The following OCRL variants were observed in gnomAD, a reference collection of about 807,000 sequenced individuals.
OCRL encodes the protein inositol polyphosphate 5-phosphatase OCRL.
In OCRL, 8 loss-of-function variants were observed where a neutral mutation model predicts 78.9. The ratio of observed to expected loss-of-function variants is 0.10; its 90% CI spans 0.06 to 0.18. OCRL has a LOEUF of 0.18. Among genes scored for constraint, OCRL ranks in the 10% least tolerant of loss-of-function variants. OCRL has a pLI of 1.00. For synonymous variants in OCRL, 240 were observed against 235.4 expected (o/e 1.02, Z -0.18); for missense variants, 454 against 696.7 (o/e 0.65, Z 3.92).
intron 21 of OCRL, 55 bp from the exon 22 acceptor site, chrX:129,588,831 G>T (rs1014834613): frequency 8.7e-5 from 105 of 1,201,410 alleles, no homozygotes; most frequent in Non-Finnish European, 1.1e-4. Flanking sequence ...AGCTCGTCGG[G>T]GCTCTGTGTG....
In OCRL at chrX:129,575,257, A is replaced by G. The variant is rs1936353697; in HGVS notation, c.1713+7A>G. On this transcript the variant is annotated splice_region_variant and intron_variant, in intron 16 of 23. Transcript: ENST00000371113. ...AGAACTCAGCAGGAGGGAGGTGAGC[A>G]AAAATACATGATCTCCCTGTCTACT... The G allele has an allele frequency of 1.9e-6, 2 of 1,074,686 alleles. No individual in the cohort carries two copies. Among genetic ancestry groups the G allele is most frequent in the South Asian group, 3.7e-5 (2 of 53,609 alleles). 88.6% of individuals were successfully genotyped at this position (1,074,686 alleles called of 1,213,427 possible). A position where few individuals can be genotyped will look rare whatever the true frequency, so the allele number is the denominator to read the frequency against.
chrX:129,541,448 T>A (rs183148376), intron 2 of OCRL, among the ~76,000 whole-genome samples: 1 of 111,925 alleles, frequency 8.9e-6, no homozygotes, highest in East Asian at 2.8e-4. Flanking sequence ...GAGATAGAAA[T>A]GACAGTATTT....
In OCRL at chrX:129,588,917, G is replaced by T; in HGVS notation, c.2373G>T (p.Leu791=). The change falls in exon 22 of 24, where the codon CTG becomes CTT. Residue 791 remains leucine (L), a synonymous_variant. Transcript: ENST00000371113. ...GCAACCACTCTGTGGCTGAAGCACT[G>T]CTCATTTTCTTGGAAGCCCTGCCAG... ...PGSNHSVAEA[L]LIFLEALPEP... The T allele has an allele frequency of 8.3e-7, 1 of 1,211,618 alleles. No individual in the cohort carries two copies. The highest frequency in any genetic ancestry group is 1.8e-5 in the South Asian group (1 of 57,008).
chrX:129,555,675 C>G (rs1301650803), intron 4 of OCRL, among the ~76,000 whole-genome samples: 1 of 111,625 alleles, frequency 9.0e-6, no homozygotes, highest in African/African-American at 3.3e-5. Context: ...CTTTCTCAAG[C>G]AACATGGTGA....
In OCRL at chrX:129,540,614, G is replaced by A. The variant is rs1333520971; in HGVS notation, c.40-130G>A. On this transcript the variant is annotated intron_variant, in intron 1 of 23. Transcript: ENST00000371113. ...AGAGAGGGGGAGGGGGCCGGCGCGG[G>A]AGACGAAGCAGGGCGGGGCGGGGCG... 2.1e-5 allele frequency: 13 copies of A among 626,544 alleles called. No individual in the cohort carries two copies. The Admixed American group carries it at 4.0e-4, about 19-fold the overall frequency. 51.6% of individuals were successfully genotyped at this position (626,544 alleles called of 1,213,427 possible).
At chrX:129,581,725 CTGTG>C (rs35415909) in intron 18 of OCRL, among the ~76,000 whole-genome samples, 2,536 of 92,248 alleles carry the variant, frequency 0.027, 91 homozygotes, top group African/African-American at 0.095. Context: ...ATACACACAC[CTGTG>C]TGTGTGTGTG....
chrX:129,567,955 G>A (rs1279640007), intron 14 of OCRL, among the ~76,000 whole-genome samples: 6 of 98,754 alleles, frequency 6.1e-5, no homozygotes, highest in Admixed American at 1.1e-4. Context: ...CGCCCAGGCC[G>A]GACTGCGGAC....
Position 129,557,320 on chromosome X carries a change from T to C in OCRL, c.239-5T>C. Reference sequence around the variant, plus strand: ...AGTATATGTATGGATTTCAATTCTTTTTAGGTGGCTGCAAAATTCGGGTTC... The same window carrying C: ...AGTATATGTATGGATTTCAATTCTTCTTAGGTGGCTGCAAAATTCGGGTTC... On this transcript the variant is annotated splice_polypyrimidine_tract_variant and splice_region_variant and intron_variant, in intron 4 of 23. Coordinates refer to ENST00000371113, the MANE Select transcript of OCRL (RefSeq NM_000276.4). The C allele has an allele frequency of 1.7e-6, 2 of 1,207,175 alleles. No homozygotes were observed. The highest frequency in any genetic ancestry group is 2.2e-6 in the Non-Finnish European group (2 of 891,393).
rs1486459755 is a variant in OCRL at position 129,575,921 on chromosome X, C to T, written c.1738C>T (p.Arg580Trp). The T allele has an allele frequency of 2.4e-5, 29 of 1,211,764 alleles. No homozygotes were observed. Among genetic ancestry groups the T allele is most frequent in the Non-Finnish European group, 3.2e-5 (29 of 895,420 alleles). The change falls in exon 17 of 24, where the codon CGG becomes TGG. Residue 580 changes from arginine to tryptophan, a missense_variant. Coordinates refer to ENST00000371113, the MANE Select transcript of OCRL (RefSeq NM_000276.4). Reference sequence around the variant, plus strand: ...GTTTGTGTTTGAAAATGTGAAGTTTCGGCAACTACAAAAGGAGAAGTTCCA... The same window carrying T: ...GTTTGTGTTTGAAAATGTGAAGTTTTGGCAACTACAAAAGGAGAAGTTCCA... ...REFVFENVKF[R>W]QLQKEKFQIS... is the part of the protein sequence containing the mutation.
chrX:129,556,671 T>A (rs1479267844), intron 4 of OCRL, among the ~76,000 whole-genome samples: 1 of 112,137 alleles, frequency 8.9e-6, no homozygotes, highest in African/African-American at 3.2e-5. Flanking sequence ...TGCTTCTAAT[T>A]CTCCTAGTTT....
Position 129,559,821 on chromosome X carries a change from GTA to G in OCRL, c.723-727_723-726del, listed in dbSNP as rs756436382. On this transcript the variant is annotated intron_variant, in intron 8 of 23. Coordinates refer to ENST00000371113, the MANE Select transcript of OCRL (RefSeq NM_000276.4). ...TCATCTTTTTTCTGGACTTGTGTGT[GTA>G]TGCTGCATGTGAGGTACCATGTGGC... is the stretch of plus-strand genomic sequence containing the variant. Among the ~76,000 whole-genome samples the G allele has an allele frequency of 9.0e-5, 10 of 111,341 alleles. No homozygotes were observed. In the East Asian group the frequency reaches 2.5e-3, roughly 28 times the overall value.
chrX:129,573,009 CAT>C (rs759267273), intron 15 of OCRL, among the ~76,000 whole-genome samples: 1 of 111,828 alleles, frequency 8.9e-6, no homozygotes, highest in East Asian at 2.8e-4. Context: ...AATAAAAAGA[CAT>C]GTGCAAAATA....
chrX:129,586,001 A>G (rs1936507954), intron 19 of OCRL, among the ~76,000 whole-genome samples: 1 of 111,204 alleles, frequency 9.0e-6, no homozygotes, highest in Admixed American at 9.6e-5. Context: ...CTCAAGCTAG[A>G]GGCGGGGGAG....
rs568048801 is a variant in OCRL at position 129,572,419 on chromosome X, C to G, written c.1603-2721C>G. Among the ~76,000 whole-genome samples the G allele has an allele frequency of 5.3e-5, 6 of 113,023 alleles. No individual in the cohort carries two copies. The South Asian group carries it at 1.1e-3, about 21-fold the overall frequency. On this transcript the variant is annotated intron_variant, in intron 15 of 23. Transcript: ENST00000371113. ...AATTCTTTGGGGTTCCCCCCCTCCTCATTATCTTTGATTTGCCATTAAGTG... is the reference window on the plus strand; with the variant it reads ...AATTCTTTGGGGTTCCCCCCCTCCTGATTATCTTTGATTTGCCATTAAGTG...
At chrX:129,589,176 G>C in intron 22 of OCRL, 163 bp downstream of exon 22, 2 of 570,788 alleles carry the variant, frequency 3.5e-6, no homozygotes, top group Non-Finnish European at 5.8e-6. Context: ...TTAAATTTTA[G>C]GTTGTGTTGT....
chrX:129,575,107 A>C (rs1387819623), intron 15 of OCRL, 33 bp from the exon 16 acceptor site: 1 of 993,712 alleles, frequency 1.0e-6, no homozygotes. Context: ...CTAGAAGGAT[A>C]TAAGACTGAA....
Position 129,540,925 on chromosome X carries a change from G to C in OCRL, c.119+102G>C. On this transcript the variant is annotated intron_variant, in intron 2 of 23. Coordinates refer to ENST00000371113, the MANE Select transcript of OCRL (RefSeq NM_000276.4). ...ACTGTCCTCCTACTGAAGCCACGCGGGCAACAGGTTCAGGTCCAGGTGTGA... is the reference window on the plus strand; with the variant it reads ...ACTGTCCTCCTACTGAAGCCACGCGCGCAACAGGTTCAGGTCCAGGTGTGA... 4.5e-6 allele frequency: 3 copies of C among 664,820 alleles called. No individual in the cohort carries two copies. The South Asian group carries it at 6.6e-5, about 15-fold the overall frequency. The allele number at this position is 664,820 out of a possible 1,213,427, so 54.8% of individuals were successfully genotyped here. A position where few individuals can be genotyped will look rare whatever the true frequency, so the allele number is the denominator to read the frequency against.
chrX:129,567,158 G>GAT, intron 13 of OCRL, 96 bp from the exon 14 acceptor site: 1 of 589,885 alleles, frequency 1.7e-6, no homozygotes, highest in African/African-American at 2.2e-5. Context: ...TGTGGAACTA[G>GAT]ATACTTTGAA....
At chrX:129,564,735 C>G (rs1416446426) in intron 12 of OCRL, among the ~76,000 whole-genome samples, 1 of 104,955 alleles carries the variant, frequency 9.5e-6, no homozygotes, top group African/African-American at 3.5e-5. Context: ...GTGGGGGGAG[C>G]GGGGAGGGAT....
Sources: gnomAD v4.1 joint callset for allele counts (sites outside exome capture counted in the v4.1 genomes callset) on GRCh38, gnomAD v4.1.1 for gene constraint, MANE v1.5 for transcripts, NCBI Gene and HGNC (gene_info 2026-07-23, HGNC 2026-07-21) for gene names.